SMS: variants seen among roughly 807,000 people sequenced by gnomAD.
SMS encodes the protein spermine synthase.
SMS carries 3 observed loss-of-function variants against 33.0 expected under a neutral mutation model. The ratio of observed to expected loss-of-function variants is 0.09; its 90% CI spans 0.04 to 0.23. The LOEUF is 0.23. SMS is among the 10% of genes least tolerant of loss of function. The probability of loss-of-function intolerance (pLI) is 1.00; values close to 1 mark genes in which losing one functional copy is unlikely to be tolerated. For synonymous variants in SMS, 103 were observed against 112.2 expected, an observed-to-expected ratio of 0.92 and a Z score of 0.52; for missense variants, 117 against 288.6, an observed-to-expected ratio of 0.41 and a Z score of 4.31.
chrX:21,958,585 C>G (rs948932350), intron 1 of SMS, among the ~76,000 whole-genome samples: 17 of 112,764 alleles, frequency 1.5e-4, no homozygotes, highest in African/African-American at 5.2e-4. Context: ...AAAACAAACC[C>G]TGTGCCCCTT....
chrX:21,966,155 C>A (rs778806589), intron 1 of SMS, among the ~76,000 whole-genome samples: 1 of 112,282 alleles, frequency 8.9e-6, no homozygotes, highest in South Asian at 3.7e-4. Flanking sequence ...GGCAGAAATT[C>A]TAATGTAATT....
intron 9 of SMS, among the ~76,000 whole-genome samples, chrX:21,989,618 A>G (rs752309472): frequency 2.2e-4 from 25 of 112,266 alleles, no homozygotes; most frequent in East Asian, 1.7e-3. Context: ...TTTGCACACA[A>G]GACCCATTAG....
intron 1 of SMS, among the ~76,000 whole-genome samples, chrX:21,944,547 A>AAAAGAG (rs1922076511): frequency 9.6e-6 from 1 of 104,124 alleles, no homozygotes; most frequent in African/African-American, 3.5e-5. Context: ...AAAAAAAAAG[A>AAAAGAG]AAAAAAATTA....
chrX:21,981,950 A>G (rs910267597), intron 7 of SMS, among the ~76,000 whole-genome samples: 1 of 111,283 alleles, frequency 9.0e-6, no homozygotes, highest in African/African-American at 3.3e-5. Context: ...CAGAGTCCCT[A>G]CAACTTAGAA....
At chrX:21,983,042 T>A (rs758166781) in intron 7 of SMS, among the ~76,000 whole-genome samples, 133 of 110,772 alleles carry the variant, frequency 1.2e-3, no homozygotes, top group African/African-American at 2.8e-3. Context: ...GAACTTTTTT[T>A]AATTTTTTTT....
Position 21,953,198 on chromosome X carries a change from G to T in SMS, c.49+12325G>T, listed in dbSNP as rs976964943. ...CAGAGAGACCAATGGGGTTCAGGAG[G>T]ATATTTATTATTTAGGTGCACCGGC... On this transcript the variant is annotated intron_variant, in intron 1 of 10. Coordinates refer to ENST00000404933, the MANE Select transcript of SMS (RefSeq NM_004595.5). Among the ~76,000 whole-genome samples the T allele has an allele frequency of 9.1e-5, 10 of 109,921 alleles. No individual in the cohort carries two copies. The Admixed American group carries it at 9.8e-4, about 11-fold the overall frequency.
chrX:21,960,418 A>G (rs1333458008), intron 1 of SMS, among the ~76,000 whole-genome samples: 1 of 109,336 alleles, frequency 9.1e-6, no homozygotes, highest in African/African-American at 3.3e-5. Context: ...TTTAATGTAT[A>G]GATCATGTAT....
chrX:21,981,314 C>T (rs1467057423), intron 7 of SMS, among the ~76,000 whole-genome samples: 9 of 98,630 alleles, frequency 9.1e-5, no homozygotes, highest in Admixed American at 2.2e-4. Flanking sequence ...AGCAAGACTC[C>T]GTCTCAAAAA....
intron 1 of SMS, among the ~76,000 whole-genome samples, chrX:21,952,998 A>T (rs1922722539): frequency 9.2e-6 from 1 of 108,570 alleles, no homozygotes; most frequent in Non-Finnish European, 1.9e-5. Flanking sequence ...CCTGACCTCA[A>T]GCAGTTGACG....
At chrX:21,978,579 C>G in intron 6 of SMS, among the ~76,000 whole-genome samples, 1 of 111,237 alleles carries the variant, frequency 9.0e-6, no homozygotes, top group Admixed American at 9.5e-5. Context: ...GTCTCAAAAA[C>G]AAACAAATAA....
chrX:21,946,445 A>G (rs1922235817), intron 1 of SMS, among the ~76,000 whole-genome samples: 1 of 112,766 alleles, frequency 8.9e-6, no homozygotes, highest in Non-Finnish European at 1.9e-5. Flanking sequence ...TAAATCCTCA[A>G]AATAACCCTA....
Position 21,980,752 on chromosome X carries a change from A to G in SMS, c.750+1786A>G, listed in dbSNP as rs754061208. On this transcript the variant is annotated intron_variant, in intron 7 of 10. Coordinates refer to ENST00000404933, the MANE Select transcript of SMS (RefSeq NM_004595.5). Reference sequence around the variant, plus strand: ...ATTATTTGTAGATGATGTGAATACTAGAAAATCCAGGAAACTTACGTAGGA... The same window carrying G: ...ATTATTTGTAGATGATGTGAATACTGGAAAATCCAGGAAACTTACGTAGGA... Among the ~76,000 whole-genome samples, 10 of 111,309 alleles carry G rather than the reference A, an allele frequency of 9.0e-5. No homozygotes were observed. In the South Asian group the frequency reaches 3.3e-3, roughly 37 times the overall value.
intron 1 of SMS, 22 bp from the exon 2 acceptor site, chrX:21,967,174 C>T (rs201228691): frequency 8.3e-7 from 1 of 1,204,626 alleles, no homozygotes; most frequent in African/African-American, 1.8e-5. Context: ...GACCATCTTG[C>T]CTTCTTCCCC....
intron 1 of SMS, among the ~76,000 whole-genome samples, chrX:21,944,544 A>AAAAAAAAAAAAAAAAAAAAAAGAAAAG (rs1555992699): frequency 1.1e-4 from 11 of 99,034 alleles, no homozygotes; most frequent in East Asian, 6.7e-4. Flanking sequence ...AAAAAAAAAA[A>AAAAAAAAAAAAAAAAAAAAAAGAAAAG]AGAAAAAAAA....
chrX:21,946,142 C>G (rs772592372), intron 1 of SMS, among the ~76,000 whole-genome samples: 7 of 112,307 alleles, frequency 6.2e-5, no homozygotes, highest in African/African-American at 2.3e-4. Context: ...GAAAATAAGT[C>G]TGTGTGTTTT....
chrX:21,957,964 T>G (rs1389565361), intron 1 of SMS, among the ~76,000 whole-genome samples: 2 of 110,797 alleles, frequency 1.8e-5, no homozygotes, highest in African/African-American at 6.6e-5. Context: ...TATTTGTTTT[T>G]TTTTTTTTTC....
chrX:21,991,598 A>T (rs1925765264), intron 9 of SMS, among the ~76,000 whole-genome samples: 1 of 112,703 alleles, frequency 8.9e-6, no homozygotes, highest in African/African-American at 3.2e-5. Context: ...TTCTAAATTC[A>T]TAATGAAAAG....
intron 7 of SMS, among the ~76,000 whole-genome samples, chrX:21,980,868 G>A (rs1302508888): frequency 8.9e-6 from 1 of 111,773 alleles, no homozygotes; most frequent in African/African-American, 3.2e-5. Flanking sequence ...CATTTAAATA[G>A]GATTTCCTTC....
intron 1 of SMS, among the ~76,000 whole-genome samples, chrX:21,964,764 C>G (rs930544043): frequency 8.9e-6 from 1 of 111,974 alleles, no homozygotes; most frequent in Admixed American, 9.5e-5. Context: ...GTTTTCACTG[C>G]CACTTTTAGT....
Sources: allele counts gnomAD v4.1 joint callset (sites outside exome capture counted in the v4.1 genomes callset), GRCh38; gene constraint gnomAD v4.1.1; transcripts MANE v1.5; gene names NCBI Gene and HGNC (gene_info 2026-07-23, HGNC 2026-07-21).